SAMD5: variants seen among roughly 807,000 people sequenced by gnomAD.
SAMD5 encodes the protein sterile alpha motif domain containing 5, also known as sterile alpha motif domain-containing protein 5.
SAMD5 carries 13 observed loss-of-function variants against 11.3 expected under a neutral mutation model. That is an observed-to-expected ratio of 1.15 (90% CI 0.75 to 1.83). SAMD5 has a LOEUF of 1.83. Among genes scored for constraint, SAMD5 ranks in the 40% most tolerant of loss-of-function variants. The pLI is 0.00. For synonymous variants in SAMD5, 129 were observed against 111.3 expected (o/e 1.16, Z -1.00); for missense variants, 255 against 239.1 (o/e 1.07, Z -0.44).
the SAMD5 span, among the ~76,000 whole-genome samples, chr6:147,792,660 T>C: frequency 6.6e-6 from 1 of 152,104 alleles, no homozygotes; most frequent in African/African-American, 2.4e-5. Flanking sequence ...CCTGAAGAAA[T>C]GGATGATTCT....
chr6:147,919,768 A>T, the SAMD5 span, among the ~76,000 whole-genome samples: 1 of 152,174 alleles, frequency 6.6e-6, no homozygotes, highest in Non-Finnish European at 1.5e-5. Flanking sequence ...CATGAGTATC[A>T]TTCAAGGGAT....
the SAMD5 span, among the ~76,000 whole-genome samples, chr6:147,851,704 T>A: frequency 1.1e-3 from 167 of 152,270 alleles, no homozygotes; most frequent in African/African-American, 3.9e-3. Context: ...CTTAGACTTT[T>A]AAAAAAATTT....
At chr6:147,544,369 T>C (rs1788652361) in intron 1 of SAMD5, among the ~76,000 whole-genome samples, 1 of 152,204 alleles carries the variant, frequency 6.6e-6, no homozygotes, top group South Asian at 2.1e-4. Context: ...TATAGTTATC[T>C]AGAGTATCCC....
the SAMD5 span, among the ~76,000 whole-genome samples, chr6:147,839,727 G>T: frequency 6.6e-6 from 1 of 152,128 alleles, no homozygotes; most frequent in Admixed American, 6.5e-5. Context: ...TCCAGCCTGG[G>T]CAACAAGAGC....
At chr6:147,555,958 T>C (rs1030705709) in intron 1 of SAMD5, among the ~76,000 whole-genome samples, 3 of 152,178 alleles carry the variant, frequency 2.0e-5, no homozygotes, top group Admixed American at 1.3e-4. Context: ...AGATTGAATA[T>C]AGAGAGATAT....
intron 1 of SAMD5, among the ~76,000 whole-genome samples, chr6:147,514,439 G>A (rs1788134451): frequency 6.6e-6 from 1 of 150,720 alleles, no homozygotes; most frequent in African/African-American, 2.5e-5. Context: ...ATTCCATCAT[G>A]TAATGTTTAG....
chr6:147,746,549 T>A, the SAMD5 span, among the ~76,000 whole-genome samples: 1 of 152,156 alleles, frequency 6.6e-6, no homozygotes, highest in African/African-American at 2.4e-5. Flanking sequence ...TAATTAGAGT[T>A]AAAGAGGAAA....
chr6:147,668,204 T>C (rs937498207), intron 1 of SAMD5, among the ~76,000 whole-genome samples: 1 of 152,190 alleles, frequency 6.6e-6, no homozygotes, highest in Non-Finnish European at 1.5e-5. Flanking sequence ...GCAAACCTTC[T>C]CCTGTGCATC....
At chr6:147,838,149 G>C in the SAMD5 span, among the ~76,000 whole-genome samples, 12 of 152,256 alleles carry the variant, frequency 7.9e-5, no homozygotes, top group Admixed American at 7.8e-4. Context: ...GAACTTGAAG[G>C]AGAAATTTGA....
chr6:147,576,363 A>C (rs1789217110), intron 1 of SAMD5, among the ~76,000 whole-genome samples: 2 of 151,826 alleles, frequency 1.3e-5, no homozygotes, highest in Non-Finnish European at 2.9e-5. Flanking sequence ...CTGGTCTCGA[A>C]CTCCTGACCT....
rs1398950558 is a variant in SAMD5, at chr6:147,566,194, A to G, written c.*1738A>G. ...AGTCTCATTATCATATACAAATGTA[A>G]GGAAGTTAAATTTTAAAAGCATGTA... On this transcript the variant is annotated 3_prime_UTR_variant, in exon 2 of 2. Transcript: ENST00000367474. 1 of 978,042 alleles carries G rather than the reference A, an allele frequency of 1.0e-6. No individual in the cohort carries two copies. The highest frequency in any genetic ancestry group is 1.8e-5 in the African/African-American group (1 of 57,074). 60.6% of individuals were successfully genotyped at this position (978,042 alleles called of 1,614,324 possible). A position where few individuals can be genotyped will look rare whatever the true frequency, so the allele number is the denominator to read the frequency against.
At chr6:147,871,224 A>G in the SAMD5 span, among the ~76,000 whole-genome samples, 58,908 of 151,922 alleles carry the variant, frequency 0.39, 11,856 homozygotes, top group East Asian at 0.49. Flanking sequence ...TAACAGGATC[A>G]ATTTTTTTTT....
chr6:147,945,823 C>G, the SAMD5 span, among the ~76,000 whole-genome samples: 1 of 152,138 alleles, frequency 6.6e-6, no homozygotes, highest in South Asian at 2.1e-4. Flanking sequence ...CTACCTTGTG[C>G]CAGGCACTAG....
the SAMD5 span, among the ~76,000 whole-genome samples, chr6:147,910,480 C>A: frequency 6.6e-6 from 1 of 152,164 alleles, no homozygotes; most frequent in African/African-American, 2.4e-5. Flanking sequence ...TCTTTAGTGA[C>A]CCTGCTGTTG....
chr6:147,724,138 T>C (rs973923080), intron 1 of SAMD5, among the ~76,000 whole-genome samples: 3 of 152,158 alleles, frequency 2.0e-5, no homozygotes, highest in African/African-American at 7.2e-5. Context: ...AAAATATATA[T>C]ATTTTTTGAA....
At chr6:147,788,899 C>T in the SAMD5 span, among the ~76,000 whole-genome samples, 35 of 151,594 alleles carry the variant, frequency 2.3e-4, no homozygotes, top group Admixed American at 4.6e-4. Context: ...CTGGCTAACA[C>T]GGTGAAACCC....
chr6:147,710,201 C>G (rs1791377150), intron 1 of SAMD5, among the ~76,000 whole-genome samples: 1 of 152,158 alleles, frequency 6.6e-6, no homozygotes. Flanking sequence ...TCAGCTCAAT[C>G]TAGACTTTCC....
the SAMD5 span, chr6:147,953,495 C>G: frequency 2.0e-5 from 3 of 152,168 alleles, no homozygotes; most frequent in Non-Finnish European, 1.5e-5. Context: ...GGCTCCCAAT[C>G]TGATTCTCTT....
intron 1 of SAMD5, among the ~76,000 whole-genome samples, chr6:147,720,079 A>G (rs1222059451): frequency 3.3e-5 from 5 of 152,210 alleles, no homozygotes; most frequent in African/African-American, 1.2e-4. Flanking sequence ...CAGAATTGCA[A>G]TGACTGTATA....
Sources: allele counts gnomAD v4.1 joint callset (sites outside exome capture counted in the v4.1 genomes callset), GRCh38; gene constraint gnomAD v4.1.1; transcripts MANE v1.5; gene names NCBI Gene and HGNC (gene_info 2026-07-23, HGNC 2026-07-21).